The following CPEB2 variants were observed in gnomAD, a reference collection of about 807,000 sequenced individuals.
The protein encoded by CPEB2 is cytoplasmic polyadenylation element binding protein 2.
CPEB2 carries 56 observed loss-of-function variants against 93.6 expected under a neutral mutation model. The observed-to-expected ratio is 0.60, with a 90% CI of 0.48 to 0.75. CPEB2 has a LOEUF of 0.75. CPEB2 is among the 30% of genes least tolerant of loss of function. The pLI is 0.00. For missense variants in CPEB2, 1,579 were observed against 1,395.1 expected (o/e 1.13, Z -2.10); for synonymous variants, 764 against 586.3 (o/e 1.30, Z -4.38).
chr4:15,002,691 TG>T lies in CPEB2; in HGVS notation c.22del (p.Val8CysfsTer52). On this transcript the variant is annotated frameshift_variant, in exon 1 of 12. Transcript: ENST00000538197. LOFTEE classifies it high-confidence loss of function. MRDFGF[G>X]VLQTAPLRSS... is the part of the protein sequence containing the mutation. Reference sequence around the variant, plus strand: ...CCTGATAAATGAGGGATTTCGGGTTTGGGGTGCTGCAGACCGCCCCGCTCCG... The same window carrying T: ...CCTGATAAATGAGGGATTTCGGGTTTGGGTGCTGCAGACCGCCCCGCTCCG... 6.6e-7 allele frequency: 1 copy of T among 1,511,384 alleles called. No homozygotes were observed. The highest frequency in any genetic ancestry group is 8.8e-7 in the Non-Finnish European group (1 of 1,132,414). 93.6% of individuals were successfully genotyped at this position (1,511,384 alleles called of 1,614,324 possible).
intron 1 of CPEB2, among the ~76,000 whole-genome samples, chr4:15,006,032 T>G (rs1236836518): frequency 1.3e-5 from 2 of 150,358 alleles, no homozygotes; most frequent in African/African-American, 4.9e-5. Context: ...GGTCTAGCCA[T>G]GGAGTGTGAG....
At chr4:15,063,382 T>TAAGAGGAGGTGCTCTGCTTTTGACAAGAC (rs1729389938) in intron 11 of CPEB2, among the ~76,000 whole-genome samples, 1 of 150,406 alleles carries the variant, frequency 6.6e-6, no homozygotes, top group African/African-American at 2.5e-5. Context: ...AAAAAAAAAC[T>TAAGAGGAGGTGCTCTGCTTTTGACAAGAC]AAGAGGAGGT....
In CPEB2 at chr4:15,002,839, A is replaced by G; in HGVS notation, c.166A>G (p.Thr56Ala). ...GPLSPPPLPVTGFLEAASPFS... is the reference protein window; with the variant it reads ...GPLSPPPLPVAGFLEAASPFS... ...ACTGTCGCCACCACCGTTGCCTGTC[A>G]CCGGCTTCTTAGAGGCCGCCTCCCC... The change falls in exon 1 of 12, where the codon ACC (threonine) becomes GCC (alanine). Residue 56 changes from threonine (T) to alanine (A), a missense_variant. Physicochemically the swap from Thr to Ala is moderately conservative, Grantham distance 58. This residue lies in a region of CPEB2 where 1,411 missense variants were observed against 1,056.0 expected (regional missense o/e 1.34). Coordinates refer to ENST00000538197, the MANE Select transcript of CPEB2 (RefSeq NM_001177382.2). 3 of 1,534,730 alleles carry G rather than the reference A, an allele frequency of 2.0e-6. No individual in the cohort carries two copies. Among genetic ancestry groups the G allele is most frequent in the Non-Finnish European group, 2.6e-6 (3 of 1,146,426 alleles).
At position 15,047,959 on chromosome 4, in the gene CPEB2, G is replaced by A. The variant is rs6843783; in HGVS notation, c.2201-4455G>A. ...GAATAGCTGTTGAGTTTTATCAGAT[G>A]CATTTCCTACATTTATGGAAATAAT... is the stretch of plus-strand genomic sequence containing the variant. On this transcript the variant is annotated intron_variant, in intron 6 of 11. Transcript: ENST00000538197. Among the ~76,000 whole-genome samples the A allele has an allele frequency of 5.2e-3, 773 of 148,610 alleles. 11 individuals are homozygous for A. The highest frequency in any genetic ancestry group is 0.018 in the African/African-American group (726 of 40,400).
At chr4:15,035,904 A>T (rs944299138) in intron 5 of CPEB2, among the ~76,000 whole-genome samples, 8 of 152,236 alleles carry the variant, frequency 5.3e-5, no homozygotes, top group Non-Finnish European at 1.0e-4. Flanking sequence ...GCTGACAGTG[A>T]TGCTAGGCTT....
rs758161421 is a variant in CPEB2 at position 15,003,959 on chromosome 4, G to T, written c.1286G>T (p.Gly429Val). Reference sequence around the variant, plus strand: ...GGCTCGTCTGCCACCACCCCGGGCGGCGGCAGCGGCGGCTCGCTCAGCGCC... The same window carrying T: ...GGCTCGTCTGCCACCACCCCGGGCGTCGGCAGCGGCGGCTCGCTCAGCGCC... ...PPGSSATTPG[G>V]GSGGSLSAMP... Residue 429 changes from glycine to valine, a missense_variant, in exon 1 of 12, where the codon GGC (glycine) becomes GTC (valine). Transcript: ENST00000538197. 1.3e-5 allele frequency: 17 copies of T among 1,324,630 alleles called. No homozygotes were observed. The African/African-American group carries it at 2.2e-4, about 17-fold the overall frequency. 82.1% of individuals were successfully genotyped at this position (1,324,630 alleles called of 1,614,324 possible).
intron 6 of CPEB2, among the ~76,000 whole-genome samples, chr4:15,047,492 TGTCA>T (rs1312590367): frequency 2.6e-5 from 4 of 152,170 alleles, no homozygotes; most frequent in African/African-American, 4.8e-5. Context: ...TAAGTTTATT[TGTCA>T]GTATTTGGTG....
At chr4:15,048,662 T>C (rs1405495998) in intron 6 of CPEB2, among the ~76,000 whole-genome samples, 1 of 152,058 alleles carries the variant, frequency 6.6e-6, no homozygotes, top group Non-Finnish European at 1.5e-5. Flanking sequence ...TGATTTGTTT[T>C]AAGCATGTCT....
At chr4:15,059,790 A>G (rs1303390753) in intron 10 of CPEB2, among the ~76,000 whole-genome samples, 2 of 152,170 alleles carry the variant, frequency 1.3e-5, no homozygotes, top group Non-Finnish European at 2.9e-5. Flanking sequence ...ACAGAGGAAT[A>G]TAATTGTAGA....
At chr4:15,059,852 G>C (rs1046598099) in intron 10 of CPEB2, among the ~76,000 whole-genome samples, 3 of 152,062 alleles carry the variant, frequency 2.0e-5, no homozygotes, top group African/African-American at 7.2e-5. Flanking sequence ...CATGTGTAGA[G>C]TGTTAGTGAT....
intron 3 of CPEB2, among the ~76,000 whole-genome samples, chr4:15,013,043 AGT>A (rs1723690409): frequency 6.6e-6 from 1 of 151,932 alleles, no homozygotes; most frequent in Admixed American, 6.6e-5. Context: ...GTTATTTTTC[AGT>A]GTTTATAATC....
intron 9 of CPEB2, 102 bp downstream of exon 9, chr4:15,058,641 TGA>T: frequency 1.4e-6 from 1 of 717,340 alleles, no homozygotes; most frequent in East Asian, 2.6e-5. Flanking sequence ...ACTACCATGT[TGA>T]GTTTTAGTTT....
chr4:15,016,518 C>T (rs987881229), intron 3 of CPEB2, among the ~76,000 whole-genome samples: 1 of 151,918 alleles, frequency 6.6e-6, no homozygotes, highest in South Asian at 2.1e-4. Flanking sequence ...TTACTCTTCT[C>T]TCCTCCACCT....
intron 4 of CPEB2, among the ~76,000 whole-genome samples, chr4:15,024,456 C>CT (rs1273757960): frequency 2.0e-5 from 3 of 152,066 alleles, no homozygotes; most frequent in Non-Finnish European, 4.4e-5. Flanking sequence ...TCCAGTATTG[C>CT]TTTAAGTGTG....
intron 3 of CPEB2, among the ~76,000 whole-genome samples, chr4:15,014,467 G>T (rs535992757): frequency 4.0e-5 from 6 of 151,898 alleles, no homozygotes; most frequent in Non-Finnish European, 8.8e-5. Context: ...ATACATCTGG[G>T]AACTTTCAGT....
At chr4:15,054,425 C>G (rs1305990382) in intron 8 of CPEB2, among the ~76,000 whole-genome samples, 1 of 152,150 alleles carries the variant, frequency 6.6e-6, no homozygotes, top group Admixed American at 6.5e-5. Context: ...AACAATATCT[C>G]TCTGCATTAT....
chr4:15,064,943 T>TA (rs1303660653), intron 11 of CPEB2, among the ~76,000 whole-genome samples: 2 of 151,872 alleles, frequency 1.3e-5, no homozygotes, highest in African/African-American at 4.8e-5. Flanking sequence ...TAAATCAATT[T>TA]AAAAAACAAA....
intron 1 of CPEB2, among the ~76,000 whole-genome samples, chr4:15,004,772 G>A (rs1269640165): frequency 5.3e-5 from 8 of 152,024 alleles, no homozygotes; most frequent in Non-Finnish European, 1.0e-4. Context: ...CCCCCGACGC[G>A]GGGAGGCGCG....
chr4:15,036,737 CA>C (rs756215225), intron 5 of CPEB2, among the ~76,000 whole-genome samples: 1 of 152,060 alleles, frequency 6.6e-6, no homozygotes, highest in Non-Finnish European at 1.5e-5. Context: ...ATGGTATTAG[CA>C]AGCTAGTTAG....
Sources: allele counts gnomAD v4.1 joint callset (sites outside exome capture counted in the v4.1 genomes callset), GRCh38; gene constraint gnomAD v4.1.1; regional missense constraint gnomAD v4.1.1; transcripts MANE v1.5; gene names NCBI Gene and HGNC (gene_info 2026-07-23, HGNC 2026-07-21).